The following HIPK3 variants were observed in gnomAD, a reference collection of about 807,000 sequenced individuals.
HIPK3 encodes homeodomain-interacting protein kinase 3.
Under a neutral mutation model 124.2 loss-of-function variants are expected in HIPK3, and 47 were observed. The observed-to-expected ratio is 0.38, with a 90% CI of 0.30 to 0.48. The LOEUF is 0.48. Ranked by LOEUF, HIPK3 falls within the 20% of genes least tolerant of loss-of-function variation. The pLI is 0.98. For synonymous variants in HIPK3, 482 were observed against 515.2 expected, an observed-to-expected ratio of 0.94 and a Z score of 0.87; for missense variants, 1,286 against 1,454.3, an observed-to-expected ratio of 0.88 and a Z score of 1.88.
Position 33,327,482 on chromosome 11 carries a change from A to G in HIPK3, c.1098-1028A>G, listed in dbSNP as rs75053480. On this transcript the variant is annotated intron_variant, in intron 2 of 16. Transcript: ENST00000303296. ...GATGCAATGCATGATCCTGAGTTGG[A>G]TCCTTTTGCCAAAAAGGACGGTATT... is the stretch of plus-strand genomic sequence containing the variant. Among the ~76,000 whole-genome samples, 1,360 of 152,308 alleles carry G rather than the reference A, an allele frequency of 8.9e-3. 19 individuals are homozygous for G. The highest frequency in any genetic ancestry group is 0.031 in the African/African-American group (1,294 of 41,552).
chr11:33,316,907 T>C (rs1026910276), intron 2 of HIPK3, among the ~76,000 whole-genome samples: 7 of 152,356 alleles, frequency 4.6e-5, no homozygotes, highest in South Asian at 2.1e-4. Context: ...TTGATACTTA[T>C]AGTAAGAAAA....
chr11:33,331,184 CAT>C (rs891311133), intron 3 of HIPK3, among the ~76,000 whole-genome samples: 15 of 151,948 alleles, frequency 9.9e-5, no homozygotes, highest in African/African-American at 3.6e-4. Flanking sequence ...CGCCTGGCCA[CAT>C]ATGTTTCTCA....
intron 2 of HIPK3, among the ~76,000 whole-genome samples, chr11:33,317,146 T>A (rs963182927): frequency 3.3e-5 from 5 of 152,098 alleles, no homozygotes; most frequent in African/African-American, 1.2e-4. Context: ...AATTTTTGTA[T>A]TTTTAGTAGA....
rs144389931 is a variant in HIPK3 at position 33,266,925 on chromosome 11, C to T, written c.-3+9036C>T. On this transcript the variant is annotated intron_variant, in intron 1 of 16. Transcript: ENST00000303296. ...AGAAGGTCATATTTCTCAGATGTGGCTAGTAATACAGTTCTCTTGTTTTCT... is the reference window on the plus strand; with the variant it reads ...AGAAGGTCATATTTCTCAGATGTGGTTAGTAATACAGTTCTCTTGTTTTCT... 3.1e-3 allele frequency among the ~76,000 whole-genome samples: 464 copies of T among 152,090 alleles called. 2 individuals are homozygous for T. The highest frequency in any genetic ancestry group is 0.011 in the African/African-American group (447 of 41,490).
intron 1 of HIPK3, among the ~76,000 whole-genome samples, chr11:33,271,962 A>C (rs2133876980): frequency 6.6e-6 from 1 of 152,366 alleles, no homozygotes; most frequent in East Asian, 1.9e-4. Context: ...TGGAAGAAAA[A>C]TAAATATGTA....
intron 1 of HIPK3, chr11:33,258,320 A>C: frequency 1.0e-6 from 1 of 985,380 alleles, no homozygotes; most frequent in Non-Finnish European, 1.2e-6. Context: ...AACTACGGAG[A>C]TCCCTTTCCT....
At chr11:33,291,774 C>T (rs1039952041) in intron 2 of HIPK3, among the ~76,000 whole-genome samples, 3 of 151,966 alleles carry the variant, frequency 2.0e-5, no homozygotes, top group African/African-American at 7.3e-5. Flanking sequence ...GCCTGCGATT[C>T]TAAGTCATTT....
In HIPK3 at chr11:33,356,265, T is replaced by C. The variant is rs796496945; in HGVS notation, c.*2697T>C. 2.4e-4 allele frequency: 36 copies of C among 152,186 alleles called. No homozygotes were observed. The highest frequency in any genetic ancestry group is 7.9e-4 in the African/African-American group (33 of 41,572). The allele number at this position is 152,186 out of a possible 1,614,324, so 9.4% of individuals were successfully genotyped here. A position where few individuals can be genotyped will look rare whatever the true frequency, so the allele number is the denominator to read the frequency against. On this transcript the variant is annotated 3_prime_UTR_variant, in exon 17 of 17. Coordinates refer to ENST00000303296, the MANE Select transcript of HIPK3 (RefSeq NM_005734.5). ...GGTATATCCCAGTTAACTACACTGCTCTTTAATTGCAATCATGGGCATTTT... is the reference window on the plus strand; with the variant it reads ...GGTATATCCCAGTTAACTACACTGCCCTTTAATTGCAATCATGGGCATTTT...
intron 2 of HIPK3, among the ~76,000 whole-genome samples, chr11:33,322,157 A>G (rs1243513844): frequency 3.3e-5 from 5 of 151,644 alleles, no homozygotes; most frequent in Admixed American, 3.3e-4. Flanking sequence ...TTGCCACCAC[A>G]CCCAGCTAAT....
upstream of HIPK3, among the ~76,000 whole-genome samples, chr11:33,257,047 G>C (rs965944507): frequency 2.0e-5 from 3 of 152,196 alleles, no homozygotes; most frequent in Admixed American, 1.3e-4. Context: ...CGGGTATTGG[G>C]ATCTTTTTTA....
rs758426329 is a variant in HIPK3, at chr11:33,341,630, T to G, written c.1841T>G (p.Phe614Cys). 1.6e-5 allele frequency: 26 copies of G among 1,613,624 alleles called. No individual in the cohort carries two copies. The South Asian group carries it at 2.6e-4, about 16-fold the overall frequency. Reference protein sequence around the residue: ...GIPLQAGTAQFGCGDAFQQTL... With the variant: ...GIPLQAGTAQCGCGDAFQQTL... The stretch of plus-strand genomic sequence containing the variant: ...CCTCTGCAGGCAGGAACTGCTCAGT[T>G]TGGTTGTGGTGATGCTTTTCAGCAG... Residue 614 changes from phenylalanine to cysteine, a missense_variant, in exon 8 of 17, where the codon TTT (phenylalanine) becomes TGT (cysteine). By Grantham distance (205) the Phe-to-Cys change is radical. Transcript: ENST00000303296.
At chr11:33,314,230 A>G (rs1308423863) in intron 2 of HIPK3, among the ~76,000 whole-genome samples, 8 of 152,202 alleles carry the variant, frequency 5.3e-5, no homozygotes, top group African/African-American at 1.7e-4. Context: ...CCCACCTTTC[A>G]CTAACTGAGA....
At chr11:33,267,540 G>C (rs1331498118) in intron 1 of HIPK3, among the ~76,000 whole-genome samples, 1 of 151,780 alleles carries the variant, frequency 6.6e-6, no homozygotes, top group East Asian at 1.9e-4. Context: ...CTGTCCCCCA[G>C]GCTGGAGTGC....
chr11:33,258,140 G>A (rs1410208087), intron 1 of HIPK3, among the ~76,000 whole-genome samples: 1 of 152,078 alleles, frequency 6.6e-6, no homozygotes, highest in Non-Finnish European at 1.5e-5. Flanking sequence ...GCCAGGCCCT[G>A]GGCCGCCGGA....
intron 15 of HIPK3, 137 bp downstream of exon 15, chr11:33,351,980 C>G (rs1853675647): frequency 1.0e-6 from 1 of 991,796 alleles, no homozygotes; most frequent in Non-Finnish European, 1.5e-6. Context: ...AGGAAATCTT[C>G]TAGTATTATC....
intron 2 of HIPK3, among the ~76,000 whole-genome samples, chr11:33,303,750 C>T (rs1852071377): frequency 6.6e-6 from 1 of 152,000 alleles, no homozygotes; most frequent in Admixed American, 6.6e-5. Context: ...AGTTCAGTGG[C>T]CAGTGAATAA....
chr11:33,292,206 A>G (rs943585555), intron 2 of HIPK3, among the ~76,000 whole-genome samples: 2 of 152,180 alleles, frequency 1.3e-5, no homozygotes, highest in East Asian at 1.9e-4. Flanking sequence ...ATTCTTTGAT[A>G]AGGAGAAAAC....
chr11:33,266,516 G>A (rs1449068699), intron 1 of HIPK3, among the ~76,000 whole-genome samples: 1 of 152,114 alleles, frequency 6.6e-6, no homozygotes, highest in African/African-American at 2.4e-5. Flanking sequence ...TGTGCAACAT[G>A]CAGAAACCTT....
intron 2 of HIPK3, among the ~76,000 whole-genome samples, chr11:33,318,512 A>T (rs567933599): frequency 6.6e-5 from 10 of 152,212 alleles, no homozygotes; most frequent in Non-Finnish European, 1.5e-4. Flanking sequence ...CTGTTTCTTC[A>T]TCTATTAAAA....
Sources: allele counts gnomAD v4.1 joint callset (sites outside exome capture counted in the v4.1 genomes callset), GRCh38; gene constraint gnomAD v4.1.1; transcripts MANE v1.5; gene names NCBI Gene and HGNC (gene_info 2026-07-23, HGNC 2026-07-21).